Variants in PCDHGB7 observed in about 807,000 individuals in gnomAD.
PCDHGB7 encodes protocadherin gamma-B7.
A neutral mutation model predicts 61.4 loss-of-function variants in PCDHGB7; 37 were observed. The observed-to-expected ratio is 0.60, with a 90% confidence interval of 0.46 to 0.79. The LOEUF is 0.79. Among genes scored for constraint, PCDHGB7 ranks in the 30% least tolerant of loss-of-function variants. The pLI is 0.00. For synonymous variants in PCDHGB7, 464 were observed against 503.5 expected (o/e 0.92, Z 1.05); for missense variants, 1,166 against 1,202.5 (o/e 0.97, Z 0.45).
intron 1 of PCDHGB7, among the ~76,000 whole-genome samples, chr5:141,481,692 G>A (rs1231630072): frequency 3.3e-5 from 5 of 152,020 alleles, no homozygotes; most frequent in East Asian, 1.9e-4. Context: ...GGTGGCTCAC[G>A]CCTGTAATCC....
intron 2 of PCDHGB7, among the ~76,000 whole-genome samples, chr5:141,500,428 C>G (rs1224554560): frequency 6.6e-6 from 1 of 151,836 alleles, no homozygotes; most frequent in African/African-American, 2.4e-5. Context: ...CCAGGATGGT[C>G]TCGATCTCCT....
intron 1 of PCDHGB7, among the ~76,000 whole-genome samples, chr5:141,492,782 C>T (rs2099743868): frequency 6.6e-6 from 1 of 152,258 alleles, no homozygotes; most frequent in Non-Finnish European, 1.5e-5. Context: ...GAGTGAGCCT[C>T]TATAGGACAG....
chr5:141,423,201 C>G, intron 1 of PCDHGB7: 1 of 1,613,628 alleles, frequency 6.2e-7, no homozygotes, highest in Non-Finnish European at 8.5e-7. Context: ...TCTCGGCCAC[C>G]GTCACGCTCA....
intron 1 of PCDHGB7, chr5:141,427,790 C>A: frequency 1.3e-6 from 2 of 1,482,222 alleles, no homozygotes; most frequent in Non-Finnish European, 1.9e-6. Context: ...TGTCGTCCTA[C>A]GTGTCCGTGA....
At chr5:141,439,737 A>T (rs947754447) in intron 1 of PCDHGB7, 4 of 152,382 alleles carry the variant, frequency 2.6e-5, no homozygotes, top group Non-Finnish European at 5.9e-5. Flanking sequence ...CAGGAACGGA[A>T]CGGATTTACA....
intron 1 of PCDHGB7, among the ~76,000 whole-genome samples, chr5:141,446,698 G>C (rs750413432): frequency 1.3e-5 from 2 of 152,070 alleles, no homozygotes; most frequent in African/African-American, 4.8e-5. Flanking sequence ...GGCTGGTCTC[G>C]AACTCTGATC....
At position 141,493,887 on chromosome 5, in the gene PCDHGB7, G is replaced by C. The variant is rs760575047; in HGVS notation, c.2416-920G>C. On this transcript the variant is annotated intron_variant, in intron 1 of 3. Transcript: ENST00000398594. This position sits in a 1 kb window ranked among gnomAD's most constrained non-coding sequence, Gnocchi z 4.3. Reference sequence around the variant, plus strand: ...AGAACCAGTGAGGAGGTGGCTCTAGGAGTGCTCCATGAGAGTGTGTGATGG... The same window carrying C: ...AGAACCAGTGAGGAGGTGGCTCTAGCAGTGCTCCATGAGAGTGTGTGATGG... Among the ~76,000 whole-genome samples, 11 of 152,184 alleles carry C rather than the reference G, an allele frequency of 7.2e-5. No homozygotes were observed. Among genetic ancestry groups the C allele is most frequent in the Non-Finnish European group, 1.2e-4 (8 of 68,026 alleles).
At chr5:141,473,858 C>G (rs569473917) in intron 1 of PCDHGB7, among the ~76,000 whole-genome samples, 1 of 152,286 alleles carries the variant, frequency 6.6e-6, no homozygotes, top group Admixed American at 6.5e-5. Flanking sequence ...ATGAACCTCG[C>G]TATTGTGGAG....
Position 141,476,290 on chromosome 5 carries a change from C to G in PCDHGB7, c.2416-18517C>G, listed in dbSNP as rs768208156. The stretch of plus-strand genomic sequence containing the variant: ...TGGTCGCGAACCTTGGTTTGGATCT[C>G]GGTAGCCTCTCAGCCCGCAGGTTCC... On this transcript the variant is annotated intron_variant, in intron 1 of 3. Coordinates refer to ENST00000398594, the MANE Select transcript of PCDHGB7 (RefSeq NM_018927.4). The surrounding 1 kb of genome is among the most constrained non-coding windows in gnomAD (Gnocchi z 7.6). 1 of 1,614,050 alleles carries G rather than the reference C, an allele frequency of 6.2e-7. No homozygotes were observed. The highest frequency in any genetic ancestry group is 1.7e-5 in the Admixed American group (1 of 60,012).
At chr5:141,434,952 C>T (rs1362599956) in intron 1 of PCDHGB7, among the ~76,000 whole-genome samples, 2 of 151,756 alleles carry the variant, frequency 1.3e-5, no homozygotes, top group East Asian at 3.9e-4. Flanking sequence ...AATTTATTAA[C>T]AATTTATAAA....
In PCDHGB7 at chr5:141,505,352, C is replaced by T. The variant is rs371829394; in HGVS notation, c.2475-41C>T. 1.5e-5 allele frequency: 25 copies of T among 1,613,302 alleles called. No individual in the cohort carries two copies. In the South Asian group the frequency reaches 2.7e-4, roughly 18 times the overall value. ...AGGACAGGAGGGGCATGAGCTGTGCCGGCCTGGGAGTCTGTGCTCACCATC... is the reference window on the plus strand; with the variant it reads ...AGGACAGGAGGGGCATGAGCTGTGCTGGCCTGGGAGTCTGTGCTCACCATC... On this transcript the variant is annotated intron_variant, in intron 2 of 3. Transcript: ENST00000398594.
At position 141,485,656 on chromosome 5, in the gene PCDHGB7, T is replaced by C. The variant is rs147216126; in HGVS notation, c.2416-9151T>C. On this transcript the variant is annotated intron_variant, in intron 1 of 3. Coordinates refer to ENST00000398594, the MANE Select transcript of PCDHGB7 (RefSeq NM_018927.4). This position sits in a 1 kb window ranked among gnomAD's most constrained non-coding sequence, Gnocchi z 5.7. ...CGTTGGAAAAGGCTCAGGATGCAGA[T>C]GTGGGGAGCAATTCGATTAGCAGCT... 23 of 1,612,648 alleles carry C rather than the reference T, an allele frequency of 1.4e-5. No homozygotes were observed. The African/African-American group carries it at 2.8e-4, about 20-fold the overall frequency.
chr5:141,476,803 T>G lies in PCDHGB7; in HGVS notation c.2416-18004T>G, dbSNP rs756358461. 3 of 1,613,688 alleles carry G rather than the reference T, an allele frequency of 1.9e-6. No individual in the cohort carries two copies. The highest frequency in any genetic ancestry group is 2.2e-5 in the South Asian group (2 of 91,092). ...CCCCAGCTCTCTCCGCCAGCCTGCCTATTCACATCAAGGTGCTGGACGCGA... is the reference window on the plus strand; with the variant it reads ...CCCCAGCTCTCTCCGCCAGCCTGCCGATTCACATCAAGGTGCTGGACGCGA... On this transcript the variant is annotated intron_variant, in intron 1 of 3. Transcript: ENST00000398594. The surrounding 1 kb of genome is among the most constrained non-coding windows in gnomAD (Gnocchi z 7.6).
At chr5:141,497,272 T>G (rs568198729) in intron 2 of PCDHGB7, among the ~76,000 whole-genome samples, 20 of 152,254 alleles carry the variant, frequency 1.3e-4, no homozygotes, top group African/African-American at 4.3e-4. Flanking sequence ...CTAGGCCATT[T>G]ATGTTCCCTC....
chr5:141,505,190 G>A (rs1326515866), intron 2 of PCDHGB7, among the ~76,000 whole-genome samples: 1 of 152,186 alleles, frequency 6.6e-6, no homozygotes, highest in East Asian at 1.9e-4. Flanking sequence ...ATCGGAGGCA[G>A]CAAAGAGCTG....
intron 1 of PCDHGB7, among the ~76,000 whole-genome samples, chr5:141,449,310 A>G (rs1006876700): frequency 4.6e-5 from 7 of 152,112 alleles, no homozygotes; most frequent in Non-Finnish European, 7.4e-5. Context: ...TATGTATTAT[A>G]TAATTGTATC....
chr5:141,464,200 G>C (rs1331779739), intron 1 of PCDHGB7, among the ~76,000 whole-genome samples: 1 of 149,856 alleles, frequency 6.7e-6, no homozygotes, highest in Non-Finnish European at 1.5e-5. Flanking sequence ...AGGAGGCGGA[G>C]ATTGCAGTGA....
At chr5:141,433,877 A>G (rs1481965040) in intron 1 of PCDHGB7, among the ~76,000 whole-genome samples, 5 of 151,470 alleles carry the variant, frequency 3.3e-5, no homozygotes, top group Admixed American at 6.6e-5. Context: ...AGTTTCATCC[A>G]TTGATGACAC....
In PCDHGB7 at chr5:141,476,352, T is replaced by C. The variant is rs2099389565; in HGVS notation, c.2416-18455T>C. The C allele has an allele frequency of 1.2e-6, 2 of 1,613,826 alleles. No individual in the cohort carries two copies. Among genetic ancestry groups the C allele is most frequent in the African/African-American group, 1.3e-5 (1 of 74,852 alleles). On this transcript the variant is annotated intron_variant, in intron 1 of 3. Transcript: ENST00000398594. The surrounding 1 kb of genome is among the most constrained non-coding windows in gnomAD (Gnocchi z 7.6). ...GGAGCTAGCCGAAGATTCTTTGAGG[T>C]GAACCGGGAGACCGGAGAGATGTTT...
Sources: gnomAD v4.1 joint callset for allele counts (sites outside exome capture counted in the v4.1 genomes callset) on GRCh38, gnomAD v4.1.1 for gene constraint, Gnocchi (gnomAD v3.1) non-coding constraint, MANE v1.5 for transcripts, NCBI Gene and HGNC (gene_info 2026-07-23, HGNC 2026-07-21) for gene names.